Variants in PIK3R6 observed in about 807,000 individuals in gnomAD.
PIK3R6 encodes the protein phosphoinositide-3-kinase regulatory subunit 6, also known as phosphoinositide 3-kinase regulatory subunit 6.
Under a neutral mutation model 84.9 loss-of-function variants are expected in PIK3R6, and 91 were observed. That is an observed-to-expected ratio of 1.07 (90% CI 0.90 to 1.28). The LOEUF is 1.28. PIK3R6 is among the 50% of genes most tolerant of loss of function. PIK3R6 has a pLI of 0.00. For missense variants in PIK3R6, 996 were observed against 985.1 expected, an observed-to-expected ratio of 1.01 and a Z score of -0.15; for synonymous variants, 416 against 411.4, an observed-to-expected ratio of 1.01 and a Z score of -0.13.
chr17:8,858,159 C>T (rs922335868), intron 1 of PIK3R6, among the ~76,000 whole-genome samples: 3 of 152,070 alleles, frequency 2.0e-5, no homozygotes, highest in African/African-American at 7.2e-5. Context: ...TGAGCTTGCA[C>T]GTAGACAGGA....
In PIK3R6 at chr17:8,836,999, C is replaced by T. The variant is rs1449903328; in HGVS notation, c.259-76G>A. ...GGGAGGAGGGGGAGGTGAAGGGTCC[C>T]GGGGGAGTTTCCGGGGAGGGGCTTG... On this transcript the variant is annotated intron_variant, in intron 5 of 19. Transcript: ENST00000619866. 19 of 708,396 alleles carry T rather than the reference C, an allele frequency of 2.7e-5. No homozygotes were observed. The East Asian group carries it at 2.9e-4, about 11-fold the overall frequency. 43.9% of individuals were successfully genotyped at this position (708,396 alleles called of 1,614,324 possible).
At chr17:8,829,616 A>G (rs1200942685) in intron 10 of PIK3R6, 90 bp downstream of exon 10, 3 of 1,300,926 alleles carry the variant, frequency 2.3e-6, no homozygotes, top group Non-Finnish European at 3.2e-6. Flanking sequence ...ACACTGACAC[A>G]CGCATGCACA....
chr17:8,824,321 G>A (rs771333218), intron 13 of PIK3R6, among the ~76,000 whole-genome samples: 3 of 152,170 alleles, frequency 2.0e-5, no homozygotes, highest in Admixed American at 6.5e-5. Flanking sequence ...TGGACTATGC[G>A]TCTTGTCCTC....
chr17:8,860,020 G>C (rs921608329), intron 1 of PIK3R6, among the ~76,000 whole-genome samples: 4 of 152,250 alleles, frequency 2.6e-5, no homozygotes, highest in African/African-American at 9.6e-5. Context: ...GCAGACTCAT[G>C]TAAGAGACTC....
intron 1 of PIK3R6, among the ~76,000 whole-genome samples, chr17:8,853,699 C>G (rs929695730): frequency 6.6e-6 from 1 of 151,728 alleles, no homozygotes; most frequent in African/African-American, 2.4e-5. Context: ...CACAGTGGCT[C>G]ACATCTGTAA....
At chr17:8,853,961 GAAAA>G (rs58019683) in intron 1 of PIK3R6, among the ~76,000 whole-genome samples, 2 of 120,346 alleles carry the variant, frequency 1.7e-5, no homozygotes, top group African/African-American at 3.0e-5. Flanking sequence ...GACTCCGTCT[GAAAA>G]AAAAAAAAAA....
intron 9 of PIK3R6, among the ~76,000 whole-genome samples, chr17:8,832,503 A>AT (rs1218059956): frequency 6.9e-6 from 1 of 144,914 alleles, no homozygotes; most frequent in Non-Finnish European, 1.5e-5. Flanking sequence ...CTAACTCAGC[A>AT]TCCCGAGTAG....
chr17:8,812,923 C>CA (rs59998830), intron 18 of PIK3R6, among the ~76,000 whole-genome samples: 5,707 of 151,220 alleles, frequency 0.038, 375 homozygotes, highest in African/African-American at 0.13. Flanking sequence ...GGAATTGGGA[C>CA]AAAAAAATAC....
At chr17:8,853,035 C>T (rs527796153) in intron 1 of PIK3R6, among the ~76,000 whole-genome samples, 1 of 149,216 alleles carries the variant, frequency 6.7e-6, no homozygotes, top group East Asian at 2.0e-4. Flanking sequence ...AGAGTACAAC[C>T]AGAAAAAAAA....
chr17:8,819,403 A>G (rs2087644734), intron 17 of PIK3R6, among the ~76,000 whole-genome samples: 1 of 151,948 alleles, frequency 6.6e-6, no homozygotes, highest in East Asian at 1.9e-4. Flanking sequence ...TGAATCCACA[A>G]GTTTCTGTAT....
intron 2 of PIK3R6, among the ~76,000 whole-genome samples, chr17:8,846,440 T>G (rs1171177530): frequency 3.3e-5 from 5 of 152,212 alleles, no homozygotes; most frequent in Non-Finnish European, 7.3e-5. Context: ...TTTGGCTATT[T>G]GGGCCCTTTT....
chr17:8,835,180 A>G, intron 8 of PIK3R6, 93 bp downstream of exon 8: 1 of 1,262,918 alleles, frequency 7.9e-7, no homozygotes, highest in Non-Finnish European at 1.0e-6. Context: ...GTGATGCGAA[A>G]CAGGAGAAGG....
At chr17:8,867,187 G>A (rs1304260565) in intron 1 of PIK3R6, among the ~76,000 whole-genome samples, 2 of 152,202 alleles carry the variant, frequency 1.3e-5, no homozygotes, top group Non-Finnish European at 1.5e-5. Flanking sequence ...AATCAAATGG[G>A]AAAATGGGTG....
intron 1 of PIK3R6, among the ~76,000 whole-genome samples, chr17:8,861,844 A>G (rs1265298080): frequency 1.3e-5 from 2 of 152,212 alleles, no homozygotes; most frequent in African/African-American, 2.4e-5. Flanking sequence ...CCTTGAAGTG[A>G]GTGAAAAGGC....
At chr17:8,836,163 C>T (rs2088456601) in intron 7 of PIK3R6, among the ~76,000 whole-genome samples, 2 of 152,204 alleles carry the variant, frequency 1.3e-5, no homozygotes, top group Non-Finnish European at 2.9e-5. Flanking sequence ...GCGCCTGAGC[C>T]CCTCCGCTAT....
chr17:8,839,545 C>T lies in PIK3R6; in HGVS notation c.97+69G>A, dbSNP rs9910741. 0.17 allele frequency: 217,737 copies of T among 1,294,366 alleles called. 19,393 individuals are homozygous for T. The highest frequency in any genetic ancestry group is 0.22 in the African/African-American group (15,036 of 67,252). 80.2% of individuals were successfully genotyped at this position (1,294,366 alleles called of 1,614,324 possible). On this transcript the variant is annotated intron_variant, in intron 3 of 19. Transcript: ENST00000619866. This position sits in a 1 kb window ranked among gnomAD's most constrained non-coding sequence, Gnocchi z 4.2. ...CCAGGCCGGGGCTCTTTCCTGTATG[C>T]GCGTGTATTGTTGGCTGGGGTTGGG...
chr17:8,859,376 A>G (rs1473146243), intron 1 of PIK3R6, among the ~76,000 whole-genome samples: 1 of 152,228 alleles, frequency 6.6e-6, no homozygotes, highest in East Asian at 1.9e-4. Flanking sequence ...AGACCCCTGG[A>G]ACAGACGTCA....
chr17:8,837,722 T>TGAGTGCCCACTAAGGGGA, intron 5 of PIK3R6, 81 bp downstream of exon 5: 4 of 1,242,040 alleles, frequency 3.2e-6, no homozygotes, highest in Non-Finnish European at 4.6e-6. Context: ...TGGCGGAGAC[T>TGAGTGCCCACTAAGGGGA]GAGTGCCCAC....
intron 2 of PIK3R6, among the ~76,000 whole-genome samples, chr17:8,848,865 G>T (rs1261629270): frequency 6.6e-6 from 1 of 152,154 alleles, no homozygotes; most frequent in Non-Finnish European, 1.5e-5. Context: ...GATGTCAAAA[G>T]AATTTATGCC....
Sources: gnomAD v4.1 joint callset for allele counts (sites outside exome capture counted in the v4.1 genomes callset) on GRCh38, gnomAD v4.1.1 for gene constraint, Gnocchi (gnomAD v3.1) non-coding constraint, MANE v1.5 for transcripts, NCBI Gene and HGNC (gene_info 2026-07-23, HGNC 2026-07-21) for gene names.